Variants in NELL2 observed in about 807,000 individuals in gnomAD.
The protein encoded by NELL2 is neural EGFL like 2.
Under a neutral mutation model 109.6 loss-of-function variants are expected in NELL2, and 41 were observed. The observed-to-expected ratio is 0.37, with a 90% confidence interval of 0.29 to 0.49. The LOEUF (loss-of-function observed/expected upper bound fraction) is 0.49, where lower values mean the gene tolerates loss of function less well. Ranked by LOEUF, NELL2 falls within the 20% of genes least tolerant of loss-of-function variation. The pLI, the probability that NELL2 is intolerant of heterozygous loss-of-function variation, is 0.98. For synonymous variants in NELL2, 355 were observed against 344.7 expected (o/e 1.03, Z -0.33); for missense variants, 900 against 1,008.3 (o/e 0.89, Z 1.45).
chr12:44,872,011 G>A (rs1324370502), intron 2 of NELL2, among the ~76,000 whole-genome samples: 2 of 152,096 alleles, frequency 1.3e-5, no homozygotes, highest in Non-Finnish European at 2.9e-5. Flanking sequence ...TAAAAATCAT[G>A]CTAACATTGC....
chr12:44,630,864 C>T (rs990010260), intron 13 of NELL2, among the ~76,000 whole-genome samples: 2 of 151,930 alleles, frequency 1.3e-5, no homozygotes, highest in African/African-American at 2.4e-5. Flanking sequence ...TTCCTGTGCT[C>T]CAGGGTGTAA....
At chr12:44,681,453 C>T (rs1362400182) in intron 12 of NELL2, among the ~76,000 whole-genome samples, 3 of 150,670 alleles carry the variant, frequency 2.0e-5, no homozygotes, top group Non-Finnish European at 4.4e-5. Context: ...TTTTAGGGTA[C>T]ATGTGCACAA....
At chr12:44,638,052 A>AACTCTTTCACTCTC (rs1946710687) in intron 13 of NELL2, among the ~76,000 whole-genome samples, 2 of 152,014 alleles carry the variant, frequency 1.3e-5, no homozygotes, top group African/African-American at 4.8e-5. Context: ...TTCTTCCAGT[A>AACTCTTTCACTCTC]ACTCTTTCAC....
At chr12:44,773,704 A>G (rs1245080734) in intron 9 of NELL2, among the ~76,000 whole-genome samples, 1 of 152,192 alleles carries the variant, frequency 6.6e-6, no homozygotes. Context: ...AATTGTATTC[A>G]ATCCTTCCTA....
intron 9 of NELL2, among the ~76,000 whole-genome samples, chr12:44,733,988 G>A (rs762409605): frequency 4.6e-5 from 7 of 151,926 alleles, no homozygotes; most frequent in Non-Finnish European, 8.8e-5. Context: ...CTGCACAGTA[G>A]GGTATAATGG....
rs11182652 is a variant in NELL2, at chr12:44,761,977, T to C, written c.994+12770A>G. 5.5e-3 allele frequency among the ~76,000 whole-genome samples: 842 copies of C among 152,286 alleles called. 11 individuals are homozygous for C. The highest frequency in any genetic ancestry group is 0.032 in the East Asian group (168 of 5,184). ...CACACTAAAAGCTGAAACTTCAGCA[T>C]TATACAATATATCCATGTAACAAAC... On this transcript the variant is annotated intron_variant, in intron 9 of 19. Transcript: ENST00000429094.
At chr12:44,862,948 A>G (rs1037102619) in intron 2 of NELL2, among the ~76,000 whole-genome samples, 1 of 152,208 alleles carries the variant, frequency 6.6e-6, no homozygotes, top group Non-Finnish European at 1.5e-5. Context: ...GCATATATAC[A>G]CACACATACA....
intron 1 of NELL2, among the ~76,000 whole-genome samples, chr12:44,895,047 G>T (rs2136873813): frequency 6.6e-6 from 1 of 152,274 alleles, no homozygotes; most frequent in South Asian, 2.1e-4. Flanking sequence ...ACATAAAAAA[G>T]AGATTGTGTA....
At chr12:44,720,515 G>C (rs1264406284) in intron 9 of NELL2, among the ~76,000 whole-genome samples, 1 of 152,086 alleles carries the variant, frequency 6.6e-6, no homozygotes, top group African/African-American at 2.4e-5. Flanking sequence ...ATCTGAAATG[G>C]GAGCAGTAAG....
rs141354830 is a variant in NELL2, at chr12:44,574,195, C to G, written c.1663+32974G>C. Among the ~76,000 whole-genome samples the G allele has an allele frequency of 6.1e-3, 931 of 152,108 alleles. 8 individuals are homozygous for G. Among genetic ancestry groups the G allele is most frequent in the African/African-American group, 0.021 (874 of 41,496 alleles). ...CTCGGCTCACTGCAACCTCCAGCCC[C>G]CTGGGTTTAAGTGAACCTGCCTCAG... On this transcript the variant is annotated intron_variant, in intron 15 of 19. Coordinates refer to ENST00000429094, the MANE Select transcript of NELL2 (RefSeq NM_001145108.2).
intron 15 of NELL2, among the ~76,000 whole-genome samples, chr12:44,548,665 T>TCACTTTCATTTTCACATAAGC (rs1350126735): frequency 2.0e-5 from 3 of 152,160 alleles, no homozygotes; most frequent in Admixed American, 6.5e-5. Flanking sequence ...CCAACATATG[T>TCACTTTCATTTTCACATAAGC]CACTTTCATT....
At chr12:44,841,014 T>G (rs1447258722) in intron 2 of NELL2, among the ~76,000 whole-genome samples, 1 of 152,220 alleles carries the variant, frequency 6.6e-6, no homozygotes, top group Non-Finnish European at 1.5e-5. Flanking sequence ...ATAGTGTTCT[T>G]TGTTGCCTGG....
intron 2 of NELL2, among the ~76,000 whole-genome samples, chr12:44,818,725 ATTTTTTTTTT>A (rs1409987918): frequency 1.4e-5 from 1 of 72,146 alleles, no homozygotes; most frequent in African/African-American, 5.3e-5. Context: ...TTGTTCACTT[ATTTTTTTTTT>A]TTTATTTTTT....
intron 2 of NELL2, among the ~76,000 whole-genome samples, chr12:44,871,741 C>T (rs1023635672): frequency 1.3e-5 from 2 of 152,218 alleles, no homozygotes; most frequent in Non-Finnish European, 2.9e-5. Flanking sequence ...GCCTATTTCA[C>T]TCTGCGTAAC....
intron 2 of NELL2, among the ~76,000 whole-genome samples, chr12:44,824,584 A>G (rs954080217): frequency 6.6e-6 from 1 of 152,102 alleles, no homozygotes; most frequent in African/African-American, 2.4e-5. Flanking sequence ...TTTCTGGGCT[A>G]TAACTATTCT....
At chr12:44,561,941 A>G (rs1259317874) in intron 15 of NELL2, among the ~76,000 whole-genome samples, 1 of 152,248 alleles carries the variant, frequency 6.6e-6, no homozygotes, top group East Asian at 1.9e-4. Context: ...TACAGTAACC[A>G]AAACAGCATG....
chr12:44,603,116 C>T (rs113633394), intron 15 of NELL2, among the ~76,000 whole-genome samples: 3,802 of 152,080 alleles, frequency 0.025, 154 homozygotes, highest in African/African-American at 0.085. Context: ...AGGGGTGCAA[C>T]TTAAATTTAT....
chr12:44,808,308 TATG>T (rs1408725138), intron 3 of NELL2, among the ~76,000 whole-genome samples: 1 of 152,028 alleles, frequency 6.6e-6, no homozygotes, highest in Non-Finnish European at 1.5e-5. Context: ...ATATAAAAAT[TATG>T]ATGAGAAATT....
chr12:44,734,166 T>A (rs990561184), intron 9 of NELL2, among the ~76,000 whole-genome samples: 6 of 152,024 alleles, frequency 3.9e-5, no homozygotes, highest in African/African-American at 7.2e-5. Context: ...TTTGAGGCTA[T>A]ATTATTAGGT....
Sources: gnomAD v4.1 joint callset for allele counts (sites outside exome capture counted in the v4.1 genomes callset) on GRCh38, gnomAD v4.1.1 for gene constraint, MANE v1.5 for transcripts, NCBI Gene and HGNC (gene_info 2026-07-23, HGNC 2026-07-21) for gene names.